KCNN2: variants seen among roughly 807,000 people sequenced by gnomAD.
KCNN2 encodes small conductance calcium-activated potassium channel protein 2.
Under a neutral mutation model 55.5 loss-of-function variants are expected in KCNN2, and 24 were observed. The ratio of observed to expected loss-of-function variants is 0.43; its 90% CI spans 0.31 to 0.61. The LOEUF (loss-of-function observed/expected upper bound fraction) is 0.61, where lower values mean the gene tolerates loss of function less well. Among genes scored for constraint, KCNN2 ranks in the 20% least tolerant of loss-of-function variants. KCNN2 has a pLI of 0.08. For synonymous variants in KCNN2, 431 were observed against 336.1 expected (o/e 1.28, Z -3.09); for missense variants, 754 against 853.6 (o/e 0.88, Z 1.45).
chr5:114,306,504 A>G (rs1049487689), intron 2 of KCNN2, among the ~76,000 whole-genome samples: 8 of 152,112 alleles, frequency 5.3e-5, no homozygotes, highest in African/African-American at 1.9e-4. Flanking sequence ...TTTCTACAAA[A>G]ATGATTCATG....
At chr5:114,320,846 T>C (rs1434923589) in intron 2 of KCNN2, among the ~76,000 whole-genome samples, 1 of 152,214 alleles carries the variant, frequency 6.6e-6, no homozygotes, top group Non-Finnish European at 1.5e-5. Flanking sequence ...GCTATCTTTT[T>C]CAGTTCTTTT....
chr5:114,430,217 G>T (rs929141350), intron 3 of KCNN2, among the ~76,000 whole-genome samples: 1 of 151,978 alleles, frequency 6.6e-6, no homozygotes, highest in African/African-American at 2.4e-5. Context: ...CAAGTTAGAA[G>T]AACTGAAATC....
Position 114,463,022 on chromosome 5 carries a change from G to C in KCNN2, c.1638-27G>C, listed in dbSNP as rs747724388. ...TATCATATTGGAGATTAATTATAAA[G>C]GACTGGTTTTGTTTGCTGTTTTTCA... On this transcript the variant is annotated intron_variant, in intron 3 of 7. Transcript: ENST00000673685. 4 of 1,605,424 alleles carry C rather than the reference G, an allele frequency of 2.5e-6. No individual in the cohort carries two copies. The South Asian group carries it at 4.5e-5, about 18-fold the overall frequency.
intron 7 of KCNN2, among the ~76,000 whole-genome samples, chr5:114,494,362 AATTAC>A (rs1190584285): frequency 6.6e-6 from 1 of 150,852 alleles, no homozygotes; most frequent in African/African-American, 2.4e-5. Flanking sequence ...AATGCATCTA[AATTAC>A]ATTCATTTTA....
At chr5:114,294,209 T>A (rs1248005271) in intron 2 of KCNN2, among the ~76,000 whole-genome samples, 3 of 152,076 alleles carry the variant, frequency 2.0e-5, no homozygotes, top group Non-Finnish European at 4.4e-5. Context: ...CTGCTCCGAT[T>A]TTAGTTATTT....
intron 2 of KCNN2, among the ~76,000 whole-genome samples, chr5:114,346,091 C>T (rs1639246197): frequency 6.6e-6 from 1 of 152,126 alleles, no homozygotes; most frequent in East Asian, 1.9e-4. Context: ...CCTCAGGGAG[C>T]TTTTAATCAT....
chr5:114,099,784 C>A (rs1283480308), intron 1 of KCNN2, among the ~76,000 whole-genome samples: 1 of 151,958 alleles, frequency 6.6e-6, no homozygotes, highest in Admixed American at 6.6e-5. Context: ...AAAAGACTGT[C>A]TATATAATGA....
At chr5:114,251,539 G>A (rs7714491) in intron 2 of KCNN2, among the ~76,000 whole-genome samples, 1 of 152,078 alleles carries the variant, frequency 6.6e-6, no homozygotes, top group Admixed American at 6.5e-5. Context: ...TATTATTGTT[G>A]TTCTTATTTG....
At chr5:114,295,557 G>T (rs1432974896) in intron 2 of KCNN2, among the ~76,000 whole-genome samples, 4 of 152,108 alleles carry the variant, frequency 2.6e-5, no homozygotes, top group Admixed American at 6.5e-5. Context: ...TTGGAAAAGC[G>T]CAGTATTAGG....
chr5:114,227,490 AG>A (rs1469816955), intron 2 of KCNN2, among the ~76,000 whole-genome samples: 1 of 152,174 alleles, frequency 6.6e-6, no homozygotes, highest in Non-Finnish European at 1.5e-5. Flanking sequence ...AAACATCATT[AG>A]TTGCCCATAC....
intron 1 of KCNN2, among the ~76,000 whole-genome samples, chr5:114,070,291 G>A (rs532643241): frequency 1.3e-5 from 2 of 152,298 alleles, no homozygotes; most frequent in East Asian, 3.9e-4. Context: ...CCCCAGGAGG[G>A]GGCAGGACCC....
chr5:114,278,868 G>A (rs1043344172), intron 2 of KCNN2, among the ~76,000 whole-genome samples: 5 of 152,070 alleles, frequency 3.3e-5, no homozygotes, highest in Non-Finnish European at 5.9e-5. Flanking sequence ...ACCCTCTGTG[G>A]GCTACACCCA....
intron 5 of KCNN2, among the ~76,000 whole-genome samples, chr5:114,476,897 A>G (rs1473365904): frequency 7.5e-6 from 1 of 132,706 alleles, no homozygotes; most frequent in African/African-American, 2.5e-5. Flanking sequence ...ATACAAAGTC[A>G]TCAACTTAAT....
exon 1 of KCNN2, chr5:114,056,233 T>C (rs2112503204): frequency 2.5e-6 from 1 of 396,222 alleles, no homozygotes; most frequent in Non-Finnish European, 4.4e-6. Context: ...GCTCTCCGGC[T>C]GGCTCTCTGC....
intron 1 of KCNN2, among the ~76,000 whole-genome samples, chr5:114,187,970 A>T (rs1017222682): frequency 6.6e-6 from 1 of 151,670 alleles, no homozygotes; most frequent in Non-Finnish European, 1.5e-5. Flanking sequence ...ACTCACCACC[A>T]CACCCAGCTA....
chr5:114,271,515 A>C (rs571714777), intron 2 of KCNN2, among the ~76,000 whole-genome samples: 9 of 152,218 alleles, frequency 5.9e-5, no homozygotes, highest in Non-Finnish European at 1.3e-4. Context: ...AAAGTAAAAA[A>C]TACAATACTA....
chr5:114,117,654 A>G (rs1436055083), intron 1 of KCNN2, among the ~76,000 whole-genome samples: 2 of 152,158 alleles, frequency 1.3e-5, no homozygotes, highest in Non-Finnish European at 2.9e-5. Context: ...CTATTTAGAA[A>G]GGAGTAGAAG....
intron 2 of KCNN2, among the ~76,000 whole-genome samples, chr5:114,353,738 CT>C (rs1757252635): frequency 6.6e-6 from 1 of 151,844 alleles, no homozygotes; most frequent in South Asian, 2.1e-4. Context: ...ATTTGTTTTT[CT>C]TTCAGTGCTT....
At chr5:114,375,846 G>A (rs928097667) in intron 2 of KCNN2, among the ~76,000 whole-genome samples, 3 of 151,084 alleles carry the variant, frequency 2.0e-5, no homozygotes, top group Admixed American at 1.3e-4. Context: ...CAAAAAGAAA[G>A]CAACAACACA....
Sources: allele counts gnomAD v4.1 joint callset (sites outside exome capture counted in the v4.1 genomes callset), GRCh38; gene constraint gnomAD v4.1.1; transcripts MANE v1.5; gene names NCBI Gene and HGNC (gene_info 2026-07-23, HGNC 2026-07-21).